PPP1R17: variants seen among roughly 807,000 people sequenced by gnomAD.
PPP1R17 encodes G-substrate.
In PPP1R17, 12 loss-of-function variants were observed where a neutral mutation model predicts 15.9. The observed-to-expected ratio is 0.75, with a 90% CI of 0.48 to 1.22. PPP1R17 has a LOEUF of 1.22. Among genes scored for constraint, PPP1R17 ranks in the 50% most tolerant of loss-of-function variants. The probability of loss-of-function intolerance (pLI) is 0.00; values close to 1 mark genes in which losing one functional copy is unlikely to be tolerated. For missense variants in PPP1R17, 211 were observed against 187.3 expected (o/e 1.13, Z -0.74); for synonymous variants, 63 against 64.5 (o/e 0.98, Z 0.11).
rs897736901 is a variant in PPP1R17 at position 31,707,669 on chromosome 7, A to G, written c.*386A>G. 2 of 183,040 alleles carry G rather than the reference A, an allele frequency of 1.1e-5. No homozygotes were observed. Among genetic ancestry groups the G allele is most frequent in the Non-Finnish European group, 2.3e-5 (2 of 87,618 alleles). 11.3% of individuals were successfully genotyped at this position (183,040 alleles called of 1,614,324 possible). On this transcript the variant is annotated 3_prime_UTR_variant, in exon 5 of 5. Transcript: ENST00000342032. ...GCTGGGCAGGACTTGACTTAGCATT[A>G]TCCAAGCACCAGTCCAAGTGGGGTT...
chr7:31,696,871 G>A (rs960089488), intron 3 of PPP1R17, 94 bp from the exon 4 acceptor site: 1 of 1,385,038 alleles, frequency 7.2e-7, no homozygotes, highest in Non-Finnish European at 9.8e-7. Flanking sequence ...TATATTGACT[G>A]TCTTCACCAG....
chr7:31,690,406 G>A (rs1007971143), intron 1 of PPP1R17, among the ~76,000 whole-genome samples: 8 of 152,312 alleles, frequency 5.3e-5, no homozygotes, highest in Middle Eastern at 3.4e-3. Context: ...GGGACAGAGA[G>A]GGACATATGT....
intron 4 of PPP1R17, among the ~76,000 whole-genome samples, chr7:31,699,511 A>G (rs1792751584): frequency 6.6e-6 from 1 of 152,158 alleles, no homozygotes. Flanking sequence ...GTTAAGTTTG[A>G]TTGCTTCCCA....
Position 31,707,322 on chromosome 7 carries a change from T to G in PPP1R17, c.*39T>G. On this transcript the variant is annotated 3_prime_UTR_variant, in exon 5 of 5. Transcript: ENST00000342032. ...GAGACCACTTGTAAATAGGTTAGAT[T>G]GGTTCCCTGTGGTGACCTAGAGAAA... is the stretch of plus-strand genomic sequence containing the variant. 1 of 1,528,958 alleles carries G rather than the reference T, an allele frequency of 6.5e-7. No homozygotes were observed. The highest frequency in any genetic ancestry group is 9.0e-7 in the Non-Finnish European group (1 of 1,111,808). 94.7% of individuals were successfully genotyped at this position (1,528,958 alleles called of 1,614,324 possible). A position where few individuals can be genotyped will look rare whatever the true frequency, so the allele number is the denominator to read the frequency against.
intron 1 of PPP1R17, among the ~76,000 whole-genome samples, chr7:31,690,944 A>G (rs1312061097): frequency 6.6e-6 from 1 of 152,134 alleles, no homozygotes; most frequent in Non-Finnish European, 1.5e-5. Context: ...CTGCCTGAAG[A>G]GGAGGAAAAT....
chr7:31,701,443 G>C (rs2128245509), intron 4 of PPP1R17, among the ~76,000 whole-genome samples: 1 of 152,324 alleles, frequency 6.6e-6, no homozygotes, highest in Non-Finnish European at 1.5e-5. Flanking sequence ...CAAAGAAAAT[G>C]GTTTCTTGAG....
intron 4 of PPP1R17, 121 bp downstream of exon 4, chr7:31,697,238 T>C (rs1792626821): frequency 7.9e-7 from 1 of 1,262,480 alleles, no homozygotes; most frequent in Admixed American, 2.7e-5. Context: ...TGTCCTGAAG[T>C]GCTCTGGGGA....
At chr7:31,697,163 G>A (rs1238393863) in intron 4 of PPP1R17, 46 bp downstream of exon 4, 2 of 1,597,162 alleles carry the variant, frequency 1.3e-6, no homozygotes, top group Non-Finnish European at 1.7e-6. Flanking sequence ...ATGGGGACAG[G>A]TCAAGAACCT....
intron 4 of PPP1R17, among the ~76,000 whole-genome samples, chr7:31,704,575 G>A (rs1224764716): frequency 6.6e-6 from 1 of 152,194 alleles, no homozygotes; most frequent in East Asian, 1.9e-4. Context: ...GTTCAATAGC[G>A]GAGAAGGATG....
At chr7:31,693,965 AG>A (rs1428346884) in intron 2 of PPP1R17, among the ~76,000 whole-genome samples, 4 of 152,234 alleles carry the variant, frequency 2.6e-5, no homozygotes, top group African/African-American at 9.6e-5. Context: ...GAAGACAAAA[AG>A]TTTCACTGTC....
intron 1 of PPP1R17, 75 bp from the exon 2 acceptor site, chr7:31,692,331 A>G (rs1792390988): frequency 2.3e-6 from 2 of 887,030 alleles, no homozygotes; most frequent in Middle Eastern, 2.3e-4. Context: ...CTCAACAAAT[A>G]TATTTACTTA....
chr7:31,701,209 GGGA>G (rs1405529756), intron 4 of PPP1R17, among the ~76,000 whole-genome samples: 1 of 152,200 alleles, frequency 6.6e-6, no homozygotes, highest in East Asian at 1.9e-4. Context: ...TGTGACTCAA[GGGA>G]GGAGGTCAAA....
chr7:31,687,821 A>G (rs1792168323), intron 1 of PPP1R17, among the ~76,000 whole-genome samples: 1 of 152,236 alleles, frequency 6.6e-6, no homozygotes, highest in Non-Finnish European at 1.5e-5. Context: ...ACGAGATACC[A>G]CATAGGCTGT....
intron 4 of PPP1R17, among the ~76,000 whole-genome samples, chr7:31,697,682 C>T (rs943884424): frequency 2.6e-5 from 4 of 152,126 alleles, no homozygotes; most frequent in African/African-American, 9.7e-5. Context: ...ATATTCATGG[C>T]TAGAGTATGA....
intron 1 of PPP1R17, among the ~76,000 whole-genome samples, 159 bp from the exon 2 acceptor site, chr7:31,692,247 T>C (rs184869993): frequency 3.4e-4 from 52 of 152,288 alleles, no homozygotes; most frequent in African/African-American, 1.2e-3. Context: ...ATCTCAAGTT[T>C]AGAGTTTCTA....
intron 1 of PPP1R17, among the ~76,000 whole-genome samples, chr7:31,689,976 G>A (rs962330258): frequency 6.6e-6 from 1 of 152,178 alleles, no homozygotes. Flanking sequence ...CCATAGACAA[G>A]ATGAGCTATG....
At chr7:31,690,740 C>T (rs1251530187) in intron 1 of PPP1R17, among the ~76,000 whole-genome samples, 3 of 152,160 alleles carry the variant, frequency 2.0e-5, no homozygotes, top group Non-Finnish European at 4.4e-5. Context: ...GATAAAGGTA[C>T]TAACAGCAGA....
chr7:31,692,155 A>C (rs1252422866), intron 1 of PPP1R17, among the ~76,000 whole-genome samples: 1 of 152,208 alleles, frequency 6.6e-6, no homozygotes, highest in Non-Finnish European at 1.5e-5. Context: ...GAGAGAGGGC[A>C]AATATTGGAC....
chr7:31,692,984 C>T (rs1260928829), intron 2 of PPP1R17, among the ~76,000 whole-genome samples: 1 of 152,114 alleles, frequency 6.6e-6, no homozygotes, highest in African/African-American at 2.4e-5. Flanking sequence ...TGTTTCCTTT[C>T]CAGAACTGAC....
Sources: gnomAD v4.1 joint callset for allele counts (sites outside exome capture counted in the v4.1 genomes callset) on GRCh38, gnomAD v4.1.1 for gene constraint, MANE v1.5 for transcripts, NCBI Gene and HGNC (gene_info 2026-07-23, HGNC 2026-07-21) for gene names.